Variants in FDFT1 observed in about 807,000 individuals in gnomAD.
FDFT1 encodes the protein squalene synthase.
In FDFT1, 68 loss-of-function variants were observed where a neutral mutation model predicts 46.8. The ratio of observed to expected loss-of-function variants is 1.45; its 90% CI spans 1.19 to 1.78. FDFT1 has a LOEUF of 1.78. Among genes scored for constraint, FDFT1 ranks in the 40% most tolerant of loss-of-function variants. FDFT1 has a pLI of 0.00. For synonymous variants in FDFT1, 351 were observed against 185.1 expected (o/e 1.90, Z -7.28); for missense variants, 928 against 524.4 (o/e 1.77, Z -7.52).
Position 11,830,344 on chromosome 8 carries a change from A to G in FDFT1, c.803A>G (p.His268Arg). Residue 268 changes from histidine (H) to arginine (R), a missense_variant, in exon 6 of 8, where the codon CAC becomes CGC. Transcript: ENST00000220584. ...AATGAACTTATAACCAATGCACTGC[A>G]CCACATCCCAGATGTCATCACCTAC... is the stretch of plus-strand genomic sequence containing the variant. Reference protein sequence around the residue: ...CLNELITNALHHIPDVITYLS... With the variant: ...CLNELITNALRHIPDVITYLS... 1.2e-6 allele frequency: 2 copies of G among 1,613,908 alleles called. No individual in the cohort carries two copies. The highest frequency in any genetic ancestry group is 2.2e-5 in the South Asian group (2 of 91,076).
At chr8:11,802,626 G>GC, upstream of FDFT1, 1 of 593,932 alleles carries the variant, frequency 1.7e-6, no homozygotes, top group Non-Finnish European at 3.0e-6. Flanking sequence ...GCGCCCGTCA[G>GC]CCCACCCCAC....
chr8:11,838,637 A>G lies in FDFT1; in HGVS notation c.*28A>G. On this transcript the variant is annotated 3_prime_UTR_variant, in exon 8 of 8. Coordinates refer to ENST00000220584, the MANE Select transcript of FDFT1 (RefSeq NM_004462.5). ...CCAAATTTGTCCATAGCTGAAGTCC[A>G]CCATAAAGTGGATTTACTTTTTTTC... 1 of 1,533,472 alleles carries G rather than the reference A, an allele frequency of 6.5e-7. No homozygotes were observed. The highest frequency in any genetic ancestry group is 9.0e-7 in the Non-Finnish European group (1 of 1,106,476). 95.0% of individuals were successfully genotyped at this position (1,533,472 alleles called of 1,614,324 possible).
intron 3 of FDFT1, among the ~76,000 whole-genome samples, chr8:11,816,357 T>C (rs1047812222): frequency 5.3e-5 from 8 of 152,200 alleles, no homozygotes; most frequent in Admixed American, 1.3e-4. Flanking sequence ...GCAGGCTCTT[T>C]TTTGCTTCCA....
chr8:11,838,668 G>A lies in FDFT1; in HGVS notation c.*59G>A, dbSNP rs1443284488. On this transcript the variant is annotated 3_prime_UTR_variant, in exon 8 of 8. Coordinates refer to ENST00000220584, the MANE Select transcript of FDFT1 (RefSeq NM_004462.5). Reference sequence around the variant, plus strand: ...AAGTGGATTTACTTTTTTTCTTTAAGGATGGATGTTGTGTTCTCTTTATTT... The same window carrying A: ...AAGTGGATTTACTTTTTTTCTTTAAAGATGGATGTTGTGTTCTCTTTATTT... The A allele has an allele frequency of 7.8e-7, 1 of 1,282,446 alleles. No individual in the cohort carries two copies. Among genetic ancestry groups the A allele is most frequent in the Non-Finnish European group, 1.1e-6 (1 of 879,498 alleles). 79.4% of individuals were successfully genotyped at this position (1,282,446 alleles called of 1,614,324 possible).
intron 1 of FDFT1, chr8:11,803,526 C>G (rs1247989917): frequency 8.4e-7 from 1 of 1,193,838 alleles, no homozygotes; most frequent in Non-Finnish European, 1.1e-6. Flanking sequence ...AAGGTCAGAA[C>G]TTGGTTTTAC....
At position 11,825,117 on chromosome 8, in the gene FDFT1, C is replaced by T. The variant is rs560599080; in HGVS notation, c.511-907C>T. ...ATATAATGATGATTTTGAGGGCCTGCGGATCTTGACATGTTATCAGATTGG... is the reference window on the plus strand; with the variant it reads ...ATATAATGATGATTTTGAGGGCCTGTGGATCTTGACATGTTATCAGATTGG... On this transcript the variant is annotated intron_variant, in intron 4 of 7. Transcript: ENST00000220584. Among the ~76,000 whole-genome samples, 145 of 152,234 alleles carry T rather than the reference C, an allele frequency of 9.5e-4. 1 individual carries two copies. The highest frequency in any genetic ancestry group is 2.1e-4 in the Non-Finnish European group (14 of 68,030).
chr8:11,812,691 C>A (rs901549334), intron 3 of FDFT1, among the ~76,000 whole-genome samples: 3 of 152,208 alleles, frequency 2.0e-5, no homozygotes, highest in African/African-American at 7.2e-5. Context: ...ATGTGGGCCT[C>A]CATTTGTCCT....
intron 3 of FDFT1, among the ~76,000 whole-genome samples, chr8:11,812,084 C>T (rs1252949727): frequency 6.6e-6 from 1 of 152,206 alleles, no homozygotes; most frequent in African/African-American, 2.4e-5. Context: ...CAGTACTGCT[C>T]TTAGACTGGG....
intron 7 of FDFT1, among the ~76,000 whole-genome samples, chr8:11,836,979 A>C (rs1012322046): frequency 2.1e-4 from 32 of 152,206 alleles, no homozygotes. Flanking sequence ...TCAGGGTGAA[A>C]ACTACAGATG....
At chr8:11,797,638 CAAAAAA>C (rs34350077), upstream of FDFT1, among the ~76,000 whole-genome samples, 7 of 75,524 alleles carry the variant, frequency 9.3e-5, no homozygotes, top group South Asian at 6.6e-4. Flanking sequence ...CACACACACT[CAAAAAA>C]AAAAAAAAAA....
intron 5 of FDFT1, among the ~76,000 whole-genome samples, chr8:11,826,588 C>A (rs565776701): frequency 6.6e-6 from 1 of 152,270 alleles, no homozygotes. Flanking sequence ...CCAAGGTGGG[C>A]GGATCACCTG....
chr8:11,830,578 C>T (rs1367250162), intron 6 of FDFT1, among the ~76,000 whole-genome samples, 158 bp downstream of exon 6: 1 of 152,194 alleles, frequency 6.6e-6, no homozygotes, highest in Non-Finnish European at 1.5e-5. Flanking sequence ...GCCTTTGCTT[C>T]CAGCCACCAA....
intron 7 of FDFT1, among the ~76,000 whole-genome samples, chr8:11,835,158 C>T (rs769556288): frequency 5.9e-5 from 9 of 152,246 alleles, no homozygotes; most frequent in South Asian, 2.1e-4. Context: ...AACTTTATGC[C>T]GGGCATGTAG....
upstream of FDFT1, chr8:11,802,067 C>T (rs1202067785): frequency 1.3e-5 from 6 of 455,530 alleles, no homozygotes; most frequent in South Asian, 3.1e-5. Context: ...CTCTCTAAGG[C>T]TTCAGCTCCT....
rs1456436489 is a variant in FDFT1 at position 11,830,444 on chromosome 8, T to C, written c.879+24T>C. The C allele has an allele frequency of 2.5e-6, 4 of 1,569,850 alleles. No individual in the cohort carries two copies. In the Admixed American group the frequency reaches 6.7e-5, roughly 26 times the overall value. ...AGGTAGGGAAGGGGGCTCCTCTGGG[T>C]GGATACGGGGCTAAAGGGAGTGGGG... is the stretch of plus-strand genomic sequence containing the variant. On this transcript the variant is annotated intron_variant, in intron 6 of 7. Coordinates refer to ENST00000220584, the MANE Select transcript of FDFT1 (RefSeq NM_004462.5).
intron 3 of FDFT1, 86 bp downstream of exon 3, chr8:11,809,936 A>C: frequency 9.4e-7 from 1 of 1,059,134 alleles, no homozygotes; most frequent in South Asian, 1.6e-5. Flanking sequence ...ACATGTGGAG[A>C]AAGGTTAAAT....
Position 11,839,088 on chromosome 8 carries a change from T to G in FDFT1, c.*479T>G, listed in dbSNP as rs1811973009. 6.3e-6 allele frequency: 1 copy of G among 159,780 alleles called. No homozygotes were observed. Among genetic ancestry groups the G allele is most frequent in the African/African-American group, 2.4e-5 (1 of 41,482 alleles). The allele number at this position is 159,780 out of a possible 1,614,324, so 9.9% of individuals were successfully genotyped here. On this transcript the variant is annotated 3_prime_UTR_variant, in exon 8 of 8. Transcript: ENST00000220584. ...GGAGTAGATAGAAATATTTATGGTT[T>G]AGGTAACAGTTAGATGTTTCCTAAG...
intron 1 of FDFT1, among the ~76,000 whole-genome samples, chr8:11,806,767 A>G (rs934250889): frequency 3.5e-4 from 54 of 152,218 alleles, no homozygotes; most frequent in African/African-American, 1.2e-3. Context: ...TCACTCTGAA[A>G]TCCTGCCTCT....
chr8:11,812,981 C>G (rs906641227), intron 3 of FDFT1, among the ~76,000 whole-genome samples: 12 of 152,208 alleles, frequency 7.9e-5, no homozygotes, highest in African/African-American at 2.9e-4. Flanking sequence ...AGTGTACTTA[C>G]ACATACCAAG....
Sources: allele counts gnomAD v4.1 joint callset (sites outside exome capture counted in the v4.1 genomes callset), GRCh38; gene constraint gnomAD v4.1.1; transcripts MANE v1.5; gene names NCBI Gene and HGNC (gene_info 2026-07-23, HGNC 2026-07-21).